The following DGKB variants were observed in gnomAD, a reference collection of about 807,000 sequenced individuals.
DGKB encodes 90 kDa diacylglycerol kinase.
A neutral mutation model predicts 114.3 loss-of-function variants in DGKB; 67 were observed. That is an observed-to-expected ratio of 0.59 (90% CI 0.48 to 0.72). The LOEUF is 0.72. DGKB is among the 30% of genes least tolerant of loss of function. The pLI is 0.00. For synonymous variants in DGKB, 398 were observed against 323.1 expected, an observed-to-expected ratio of 1.23 and a Z score of -2.49; for missense variants, 907 against 975.2, an observed-to-expected ratio of 0.93 and a Z score of 0.93.
At chr7:14,534,188 T>C (rs143597302) in intron 20 of DGKB, among the ~76,000 whole-genome samples, 289 of 152,072 alleles carry the variant, frequency 1.9e-3, no homozygotes, top group Non-Finnish European at 3.2e-3. Flanking sequence ...AATAAAAGTA[T>C]AGAGGGCTCA....
intron 20 of DGKB, among the ~76,000 whole-genome samples, chr7:14,482,041 TTGAC>T (rs1176983377): frequency 6.6e-6 from 1 of 152,008 alleles, no homozygotes; most frequent in African/African-American, 2.4e-5. Context: ...GTATATTAAA[TTGAC>T]TGGGTTCAAG....
chr7:14,301,740 G>T (rs1351881187), intron 23 of DGKB, among the ~76,000 whole-genome samples: 2 of 152,050 alleles, frequency 1.3e-5, no homozygotes, highest in Non-Finnish European at 2.9e-5. Context: ...ACTAATAAGA[G>T]AGTAAAAAAA....
chr7:14,414,029 C>T (rs953654190), intron 21 of DGKB, among the ~76,000 whole-genome samples: 1 of 152,020 alleles, frequency 6.6e-6, no homozygotes, highest in Non-Finnish European at 1.5e-5. Context: ...AATTGTTGTA[C>T]ATTTTTTAAG....
intron 17 of DGKB, among the ~76,000 whole-genome samples, chr7:14,604,817 G>A (rs564563549): frequency 1.2e-4 from 19 of 152,208 alleles, no homozygotes; most frequent in African/African-American, 2.2e-4. Flanking sequence ...CAGAGTCCCC[G>A]TTCTGAGCAA....
chr7:14,953,474 A>G (rs957365247), intron 1 of DGKB, among the ~76,000 whole-genome samples: 1 of 152,124 alleles, frequency 6.6e-6, no homozygotes, highest in Admixed American at 6.6e-5. Context: ...GGTCATCAGG[A>G]AAATGCAAAT....
chr7:14,156,359 C>T (rs1416588687), intron 25 of DGKB, among the ~76,000 whole-genome samples: 1 of 152,066 alleles, frequency 6.6e-6, no homozygotes, highest in African/African-American at 2.4e-5. Context: ...CAAACATGTT[C>T]TGTAAAGGAT....
chr7:14,444,157 T>C (rs565313126), intron 21 of DGKB, among the ~76,000 whole-genome samples: 2 of 152,014 alleles, frequency 1.3e-5, no homozygotes, highest in African/African-American at 4.8e-5. Context: ...TCAAAAATAT[T>C]GGTATAATAT....
intron 23 of DGKB, among the ~76,000 whole-genome samples, chr7:14,310,828 A>G (rs954484804): frequency 1.3e-5 from 2 of 152,178 alleles, no homozygotes; most frequent in Non-Finnish European, 2.9e-5. Flanking sequence ...GGTTTGCTTG[A>G]TTCAGAATCC....
At chr7:14,615,382 T>C (rs1400877338) in intron 15 of DGKB, among the ~76,000 whole-genome samples, 4 of 151,926 alleles carry the variant, frequency 2.6e-5, no homozygotes, top group Admixed American at 2.0e-4. Flanking sequence ...CTCTCAGAGA[T>C]ATTTAATTGT....
chr7:14,700,731 T>C (rs556247078), intron 7 of DGKB, among the ~76,000 whole-genome samples: 1 of 152,320 alleles, frequency 6.6e-6, no homozygotes, highest in Non-Finnish European at 1.5e-5. Context: ...GGGTGGTCTA[T>C]CAGATGACGA....
At chr7:14,854,564 T>C (rs1240224385) in intron 1 of DGKB, among the ~76,000 whole-genome samples, 4 of 152,140 alleles carry the variant, frequency 2.6e-5, no homozygotes, top group African/African-American at 9.7e-5. Context: ...CATACACAGT[T>C]CACAGTAGGG....
chr7:14,693,978 A>G (rs1291028150), intron 9 of DGKB, 97 bp downstream of exon 9: 1 of 1,398,952 alleles, frequency 7.1e-7, no homozygotes, highest in African/African-American at 1.4e-5. Context: ...TGCATGCTTA[A>G]TGGTAGAAAA....
At chr7:14,387,366 C>T (rs538250283) in intron 21 of DGKB, among the ~76,000 whole-genome samples, 98 of 140,538 alleles carry the variant, frequency 7.0e-4, no homozygotes, top group African/African-American at 2.6e-3. Flanking sequence ...TCAGCTGAGA[C>T]GGCACCATTG....
intron 13 of DGKB, among the ~76,000 whole-genome samples, chr7:14,665,161 G>A (rs1213308032): frequency 6.6e-6 from 1 of 151,640 alleles, no homozygotes; most frequent in Non-Finnish European, 1.5e-5. Context: ...TGAAAAAAAG[G>A]CTAGGTAATT....
chr7:14,765,919 G>A (rs190873083), intron 2 of DGKB, among the ~76,000 whole-genome samples: 137 of 152,018 alleles, frequency 9.0e-4, no homozygotes, highest in African/African-American at 3.2e-3. Flanking sequence ...GCCAATTGCT[G>A]TCTTGTAAAT....
At chr7:14,667,399 C>T (rs2358025) in intron 13 of DGKB, among the ~76,000 whole-genome samples, 2 of 151,984 alleles carry the variant, frequency 1.3e-5, no homozygotes, top group Non-Finnish European at 2.9e-5. Flanking sequence ...ACAGAGTCAA[C>T]GACTAAGGAA....
chr7:14,906,692 C>T (rs1396513499), upstream of DGKB, among the ~76,000 whole-genome samples: 1 of 152,028 alleles, frequency 6.6e-6, no homozygotes, highest in Non-Finnish European at 1.5e-5. Context: ...ACCTCGTGAT[C>T]CACCCACGTT....
chr7:14,469,964 C>G (rs994447423), intron 21 of DGKB, among the ~76,000 whole-genome samples: 1 of 151,750 alleles, frequency 6.6e-6, no homozygotes. Flanking sequence ...TATCTGTACA[C>G]TATATGGTTT....
intron 5 of DGKB, among the ~76,000 whole-genome samples, chr7:14,725,878 A>G (rs776640014): frequency 1.3e-5 from 2 of 152,114 alleles, no homozygotes; most frequent in South Asian, 2.1e-4. Flanking sequence ...TATGCTATGT[A>G]TGCACACCAA....
Sources: allele counts gnomAD v4.1 joint callset (sites outside exome capture counted in the v4.1 genomes callset), GRCh38; gene constraint gnomAD v4.1.1; transcripts MANE v1.5; gene names NCBI Gene and HGNC (gene_info 2026-07-23, HGNC 2026-07-21).